Variants in TCAIM observed in about 807,000 individuals in gnomAD.
The protein encoded by TCAIM is T cell activation inhibitor, mitochondrial.
In TCAIM, 36 loss-of-function variants were observed where a neutral mutation model predicts 58.6. That is an observed-to-expected ratio of 0.61 (90% CI 0.47 to 0.81). TCAIM has a LOEUF of 0.81. Ranked by LOEUF, TCAIM falls within the 30% of genes least tolerant of loss-of-function variation. The pLI is 0.00. For missense variants in TCAIM, 466 were observed against 579.6 expected, an observed-to-expected ratio of 0.80 and a Z score of 2.01; for synonymous variants, 172 against 193.6, an observed-to-expected ratio of 0.89 and a Z score of 0.93.
At chr3:44,372,071 AAGG>A (rs1362543665) in intron 5 of TCAIM, among the ~76,000 whole-genome samples, 5 of 122,500 alleles carry the variant, frequency 4.1e-5, no homozygotes, top group African/African-American at 8.9e-5. Flanking sequence ...GGAAGGAAGG[AAGG>A]AAGATACAGT....
chr3:44,364,745 CAAA>C (rs199676357), intron 4 of TCAIM, among the ~76,000 whole-genome samples: 6 of 91,440 alleles, frequency 6.6e-5, no homozygotes, highest in Admixed American at 1.2e-4. Flanking sequence ...GACCCTGTCT[CAAA>C]AAAAAAAAAA....
intron 2 of TCAIM, among the ~76,000 whole-genome samples, chr3:44,355,956 C>CTCA (rs1701182598): frequency 1.3e-5 from 2 of 152,170 alleles, no homozygotes; most frequent in African/African-American, 4.8e-5. Context: ...CTTAGACTAG[C>CTCA]TCATATTTAA....
At chr3:44,368,071 C>T (rs984605860) in intron 5 of TCAIM, among the ~76,000 whole-genome samples, 112 of 152,254 alleles carry the variant, frequency 7.4e-4, no homozygotes, top group African/African-American at 2.6e-3. Context: ...ATTTTTTACT[C>T]TTCTTCATGT....
chr3:44,370,883 A>G (rs1575256026), intron 5 of TCAIM, among the ~76,000 whole-genome samples: 1 of 149,356 alleles, frequency 6.7e-6, no homozygotes, highest in East Asian at 2.0e-4. Context: ...CTGGGACTAC[A>G]GGCATGTGCC....
intron 6 of TCAIM, 33 bp downstream of exon 6, chr3:44,393,010 T>C (rs745849437): frequency 2.5e-6 from 4 of 1,581,306 alleles, no homozygotes; most frequent in Non-Finnish European, 1.7e-6. Context: ...ATTTAGAAAT[T>C]GAAATGAATA....
At chr3:44,397,772 G>A (rs1390960027) in intron 8 of TCAIM, among the ~76,000 whole-genome samples, 1 of 152,108 alleles carries the variant, frequency 6.6e-6, no homozygotes, top group African/African-American at 2.4e-5. Context: ...CATTCAATGT[G>A]TAATTTGCAT....
intron 6 of TCAIM, among the ~76,000 whole-genome samples, chr3:44,395,356 G>T (rs778463894): frequency 6.6e-6 from 1 of 152,022 alleles, no homozygotes; most frequent in Non-Finnish European, 1.5e-5. Context: ...TTTCTTGAGC[G>T]CCTGTTTTGA....
Position 44,400,370 on chromosome 3 carries a change from C to T in TCAIM, c.901C>T (p.Pro301Ser), listed in dbSNP as rs1331260761. Residue 301 changes from proline (P) to serine (S), a missense_variant, in exon 9 of 11, where the codon CCA becomes TCA. Pro to Ser is a moderately conservative substitution (Grantham distance 74). Transcript: ENST00000342649. ...HHWTKLFERL[P>S]SYFDLQRRLM... ...AACACTGTAGCTTTTTGAAAGATTG[C>T]CAAGTTATTTTGACCTTCAGAGGAG... is the stretch of plus-strand genomic sequence containing the variant. The T allele has an allele frequency of 6.2e-7, 1 of 1,613,018 alleles. No homozygotes were observed. The highest frequency in any genetic ancestry group is 8.5e-7 in the Non-Finnish European group (1 of 1,179,664).
chr3:44,376,916 A>C (rs1701574740), intron 5 of TCAIM, among the ~76,000 whole-genome samples: 1 of 152,072 alleles, frequency 6.6e-6, no homozygotes, highest in Non-Finnish European at 1.5e-5. Context: ...GTGAAACCCC[A>C]TCTCTACTAA....
chr3:44,367,482 C>G lies in TCAIM; in HGVS notation c.346C>G (p.His116Asp). ...ATTTCGAGCAGTCAAATTTACTTTG[C>G]ACACCAGAGATCTGCTAAGCACAGT... The part of the protein sequence containing the change: ...SGFRAVKFTL[H>D]TRDLLSTVLY... The change falls in exon 5 of 11, where the codon CAC becomes GAC. Residue 116 changes from histidine (H) to aspartate (D), a missense_variant. By Grantham distance (81) the His-to-Asp change is moderately conservative. Coordinates refer to ENST00000342649, the MANE Select transcript of TCAIM (RefSeq NM_173826.4). 1 of 1,611,056 alleles carries G rather than the reference C, an allele frequency of 6.2e-7. No individual in the cohort carries two copies. The highest frequency in any genetic ancestry group is 8.5e-7 in the Non-Finnish European group (1 of 1,177,958).
intron 4 of TCAIM, among the ~76,000 whole-genome samples, chr3:44,364,767 T>G (rs780123616): frequency 5.9e-5 from 9 of 152,070 alleles, no homozygotes; most frequent in African/African-American, 2.2e-4. Context: ...AAAAAATCTT[T>G]AGCCTCAGTA....
intron 6 of TCAIM, among the ~76,000 whole-genome samples, chr3:44,393,521 G>A (rs1205271118): frequency 6.6e-6 from 1 of 152,084 alleles, no homozygotes; most frequent in Non-Finnish European, 1.5e-5. Flanking sequence ...GTTTGTTTAA[G>A]TACTGACATT....
chr3:44,365,907 T>A (rs187132742), intron 4 of TCAIM, among the ~76,000 whole-genome samples: 44 of 152,344 alleles, frequency 2.9e-4, no homozygotes, highest in African/African-American at 9.4e-4. Context: ...ATGTACCTGT[T>A]AATAGTGATT....
Position 44,400,601 on chromosome 3 carries a change from A to G in TCAIM, c.1118+14A>G. 1 of 1,595,928 alleles carries G rather than the reference A, an allele frequency of 6.3e-7. No individual in the cohort carries two copies. Among genetic ancestry groups the G allele is most frequent in the African/African-American group, 1.3e-5 (1 of 74,596 alleles). ...GATCCTTAACAGGTAAATATCTAAG[A>G]TAGAAGGATTACTTTTATTCCTTCG... On this transcript the variant is annotated intron_variant, in intron 9 of 10. Transcript: ENST00000342649.
chr3:44,379,642 T>C (rs1701624033), intron 5 of TCAIM, among the ~76,000 whole-genome samples: 1 of 152,112 alleles, frequency 6.6e-6, no homozygotes, highest in Non-Finnish European at 1.5e-5. Flanking sequence ...AAATACCACA[T>C]GTCCTCACTT....
At chr3:44,358,286 C>A in intron 3 of TCAIM, 1 of 1,026,424 alleles carries the variant, frequency 9.7e-7, no homozygotes, top group Non-Finnish European at 1.5e-6. Flanking sequence ...GGACCACTCC[C>A]CTACAACATC....
chr3:44,388,480 G>A (rs1701779525), intron 5 of TCAIM, among the ~76,000 whole-genome samples: 1 of 152,080 alleles, frequency 6.6e-6, no homozygotes, highest in South Asian at 2.1e-4. Context: ...CAGAAGTGAC[G>A]TTGTGTTGTT....
intron 5 of TCAIM, among the ~76,000 whole-genome samples, chr3:44,381,326 C>T (rs761694138): frequency 6.6e-5 from 10 of 151,884 alleles, no homozygotes; most frequent in South Asian, 2.1e-4. Flanking sequence ...TCAATCAGTG[C>T]GATACACACT....
At chr3:44,341,676 GA>G (rs964985461) in intron 1 of TCAIM, among the ~76,000 whole-genome samples, 6 of 152,100 alleles carry the variant, frequency 3.9e-5, no homozygotes, top group East Asian at 1.9e-4. Context: ...ACATTAGATG[GA>G]AAAAAATTAT....
Sources: gnomAD v4.1 joint callset for allele counts (sites outside exome capture counted in the v4.1 genomes callset) on GRCh38, gnomAD v4.1.1 for gene constraint, MANE v1.5 for transcripts, NCBI Gene and HGNC (gene_info 2026-07-23, HGNC 2026-07-21) for gene names.